Variants in ZBTB1 observed in about 807,000 individuals in gnomAD.
The protein encoded by ZBTB1 is zinc finger and BTB domain containing 1.
ZBTB1 carries 13 observed loss-of-function variants against 51.6 expected under a neutral mutation model. The observed-to-expected ratio is 0.25, with a 90% CI of 0.16 to 0.40. The LOEUF is 0.40. Ranked by LOEUF, ZBTB1 falls within the 10% of genes least tolerant of loss-of-function variation. The pLI is 1.00. For missense variants in ZBTB1, 567 were observed against 856.5 expected (o/e 0.66, Z 4.22); for synonymous variants, 240 against 282.2 (o/e 0.85, Z 1.50).
chr14:64,523,012 T>C lies in ZBTB1; in HGVS notation c.1508T>C (p.Met503Thr), dbSNP rs759436083. The C allele has an allele frequency of 2.5e-6, 4 of 1,614,044 alleles. No individual in the cohort carries two copies. Among genetic ancestry groups the C allele is most frequent in the South Asian group, 1.1e-5 (1 of 91,080 alleles). The change falls in exon 2 of 2, where the codon ATG (methionine) becomes ACG (threonine). Residue 503 changes from methionine to threonine, a missense_variant. Transcript: ENST00000683701. This position sits in a 1 kb window ranked among gnomAD's most constrained non-coding sequence, Gnocchi z 4.5. ...NPDEQSEIRD[M>T]FVEMLDDFRD... ...GATGAGCAGTCCGAAATAAGAGATA[T>C]GTTTGTTGAAATGCTGGATGATTTT...
intron 1 of ZBTB1, among the ~76,000 whole-genome samples, chr14:64,517,406 C>G (rs1453789033): frequency 6.6e-6 from 1 of 152,156 alleles, no homozygotes; most frequent in Admixed American, 6.6e-5. Flanking sequence ...AATATGGGTA[C>G]TCATTCTCCA....
At chr14:64,506,999 T>A (rs2140076905) in intron 1 of ZBTB1, among the ~76,000 whole-genome samples, 1 of 152,306 alleles carries the variant, frequency 6.6e-6, no homozygotes, top group East Asian at 1.9e-4. Context: ...TTTTTAAGAG[T>A]ATCTCGTTTT....
At chr14:64,518,467 G>A (rs2079820055) in intron 1 of ZBTB1, 1 of 152,112 alleles carries the variant, frequency 6.6e-6, no homozygotes, top group African/African-American at 2.4e-5. Flanking sequence ...TCTGGCTATG[G>A]AACTTTATGT....
At position 64,523,095 on chromosome 14, in the gene ZBTB1, G is replaced by C. The variant is rs45572033; in HGVS notation, c.1591G>C (p.Ala531Pro). 24,122 of 1,614,180 alleles carry C rather than the reference G, an allele frequency of 0.015. 236 individuals are homozygous for C. Among genetic ancestry groups the C allele is most frequent in the Non-Finnish European group, 0.019 (21,918 of 1,180,022 alleles). Residue 531 changes from alanine to proline, a missense_variant, in exon 2 of 2, where the codon GCC (alanine) becomes CCC (proline). Around this residue, in one of 5 missense-constraint regions of ZBTB1, gnomAD observed 329 missense variants for 406.3 expected, o/e 0.81. Coordinates refer to ENST00000683701, the MANE Select transcript of ZBTB1 (RefSeq NM_001123329.2). This position sits in a 1 kb window ranked among gnomAD's most constrained non-coding sequence, Gnocchi z 4.5. ...IQKKQLFKHS[A>P]CPFRCPNCGQ... ...AAAAAAGCAGTTATTTAAACATTCT[G>C]CCTGCCCTTTTCGATGTCCTAATTG...
At chr14:64,503,781 C>G, upstream of ZBTB1, 1 of 213,522 alleles carries the variant, frequency 4.7e-6, no homozygotes, top group Non-Finnish European at 8.1e-6. Context: ...CGCGGCTTCC[C>G]GCGCCGGCAG....
chr14:64,522,807 C>G lies in ZBTB1; in HGVS notation c.1303C>G (p.Leu435Val). The change falls in exon 2 of 2, where the codon CTG becomes GTG. Residue 435 changes from leucine to valine, a missense_variant. By Grantham distance (32) the Leu-to-Val change is conservative. Transcript: ENST00000683701. ...LCGLTITEED[L>V]SSHYLAKHIE... ...TGGACTTACAATAACCGAGGAGGAC[C>G]TGTCATCTCATTACTTAGCCAAACA... is the stretch of plus-strand genomic sequence containing the variant. 2 of 1,614,178 alleles carry G rather than the reference C, an allele frequency of 1.2e-6. No homozygotes were observed. Among genetic ancestry groups the G allele is most frequent in the Non-Finnish European group, 1.7e-6 (2 of 1,180,020 alleles).
At chr14:64,504,310 G>T (rs1000323786), upstream of ZBTB1, among the ~76,000 whole-genome samples, 3 of 152,114 alleles carry the variant, frequency 2.0e-5, no homozygotes, top group African/African-American at 7.2e-5. Context: ...GCAGGGCGAG[G>T]TTGCCGGAGC....
chr14:64,504,076 C>T (rs2079591674), upstream of ZBTB1: 1 of 152,300 alleles, frequency 6.6e-6, no homozygotes, highest in Admixed American at 6.5e-5. Context: ...GGCACCCCCT[C>T]AGTTCTGGGG....
At chr14:64,531,920 A>C in exon 3 of ZBTB1, 5 of 1,613,282 alleles carry the variant, frequency 3.1e-6, no homozygotes, top group Non-Finnish European at 4.2e-6. Flanking sequence ...TGGAGAGGAC[A>C]TGGGGAAGAA....
intron 1 of ZBTB1, 54 bp downstream of exon 1, chr14:64,505,000 G>A (rs181685058): frequency 1.3e-5 from 5 of 390,802 alleles, no homozygotes; most frequent in African/African-American, 8.3e-5. Context: ...CAGGCCGGAG[G>A]GCGACGGGCC....
intron 1 of ZBTB1, among the ~76,000 whole-genome samples, chr14:64,517,033 A>G (rs372182681): frequency 4.6e-5 from 7 of 152,186 alleles, no homozygotes; most frequent in African/African-American, 1.7e-4. Flanking sequence ...TAATACTTGA[A>G]AGTTTTTATA....
intron 1 of ZBTB1, among the ~76,000 whole-genome samples, chr14:64,510,687 G>GT (rs2079715717): frequency 1.3e-5 from 2 of 152,318 alleles, no homozygotes; most frequent in South Asian, 4.1e-4. Context: ...AACTAAACAT[G>GT]TAAGACTAGA....
chr14:64,526,160 C>G (rs2079902493), downstream of ZBTB1, among the ~76,000 whole-genome samples: 2 of 152,130 alleles, frequency 1.3e-5, no homozygotes, highest in Admixed American at 1.3e-4. Context: ...ACAGAACATA[C>G]CTTTTTGTTT....
downstream of ZBTB1, among the ~76,000 whole-genome samples, chr14:64,529,207 T>C (rs1224633023): frequency 6.6e-6 from 1 of 152,250 alleles, no homozygotes; most frequent in Non-Finnish European, 1.5e-5. Flanking sequence ...TGTCAGCCTT[T>C]TTGAGGGGCC....
upstream of ZBTB1, chr14:64,504,377 G>A (rs1034232019): frequency 3.3e-5 from 5 of 152,454 alleles, no homozygotes. Context: ...GCAGGGGTCT[G>A]ACATCTGGAC....
Position 64,523,061 on chromosome 14 carries a change from C to A in ZBTB1, c.1557C>A (p.Asn519Lys). The change falls in exon 2 of 2, where the codon AAC (asparagine) becomes AAA (lysine). Residue 519 changes from asparagine to lysine, a missense_variant. Asn to Lys is a moderately conservative substitution (Grantham distance 94, BLOSUM62 0). Transcript: ENST00000683701. This position sits in a 1 kb window ranked among gnomAD's most constrained non-coding sequence, Gnocchi z 4.5. Reference protein sequence around the residue: ...DDFRDNHYQINSIQKKQLFKH... With the variant: ...DDFRDNHYQIKSIQKKQLFKH... ...TTAGGGACAATCATTACCAGATAAA[C>A]AGTATCCAAAAAAAGCAGTTATTTA... 1 of 1,614,144 alleles carries A rather than the reference C, an allele frequency of 6.2e-7. No homozygotes were observed. Among genetic ancestry groups the A allele is most frequent in the Admixed American group, 1.7e-5 (1 of 60,016 alleles).
intron 1 of ZBTB1, among the ~76,000 whole-genome samples, chr14:64,507,076 C>G (rs1476459037): frequency 6.6e-6 from 1 of 152,180 alleles, no homozygotes; most frequent in Non-Finnish European, 1.5e-5. Context: ...GACTTGCCCT[C>G]TAGCCAGGAA....
chr14:64,514,421 AAC>A (rs1238705498), intron 1 of ZBTB1: 1 of 152,222 alleles, frequency 6.6e-6, no homozygotes, highest in African/African-American at 2.4e-5. Flanking sequence ...GCCTCACAGA[AAC>A]ACTTTAAAAT....
rs150904658 is a variant in ZBTB1 at position 64,521,658 on chromosome 14, T to C, written c.154T>C (p.Phe52Leu). ...LAACSSYFRM[F>L]FMNHQHSTAQ... ...TGCCTGTAGCTCCTATTTTAGAATG[T>C]TTTTCATGAACCATCAGCATAGTAC... is the stretch of plus-strand genomic sequence containing the variant. Residue 52 changes from phenylalanine to leucine, a missense_variant, in exon 2 of 2, where the codon TTT (phenylalanine) becomes CTT (leucine). Phe to Leu is a conservative substitution (Grantham distance 22, BLOSUM62 0). Around this residue, in one of 5 missense-constraint regions of ZBTB1, gnomAD observed 69 missense variants for 136.4 expected, o/e 0.51. Transcript: ENST00000683701. 4.0e-5 allele frequency: 65 copies of C among 1,614,064 alleles called. No individual in the cohort carries two copies. The highest frequency in any genetic ancestry group is 5.3e-5 in the Non-Finnish European group (62 of 1,180,042).
Sources: allele counts gnomAD v4.1 joint callset (sites outside exome capture counted in the v4.1 genomes callset), GRCh38; gene constraint gnomAD v4.1.1; regional missense constraint gnomAD v4.1.1; non-coding constraint Gnocchi (gnomAD v3.1); transcripts MANE v1.5; gene names NCBI Gene and HGNC (gene_info 2026-07-23, HGNC 2026-07-21).